The following EPHA6 variants were observed in gnomAD, a reference collection of about 807,000 sequenced individuals.
The protein encoded by EPHA6 is EPH receptor A6.
EPHA6 carries 50 observed loss-of-function variants against 112.0 expected under a neutral mutation model. That is an observed-to-expected ratio of 0.45 (90% CI 0.36 to 0.56). EPHA6 has a LOEUF of 0.56. Ranked by LOEUF, EPHA6 falls within the 20% of genes least tolerant of loss-of-function variation. The probability of loss-of-function intolerance (pLI) is 0.00; values close to 1 mark genes in which losing one functional copy is unlikely to be tolerated. For missense variants in EPHA6, 1,280 were observed against 1,417.4 expected (o/e 0.90, Z 1.56); for synonymous variants, 529 against 490.7 (o/e 1.08, Z -1.03).
intron 3 of EPHA6, among the ~76,000 whole-genome samples, chr3:97,095,219 ATGGTATCTCAT>A (rs1014670492): frequency 1.3e-5 from 2 of 151,968 alleles, no homozygotes; most frequent in Non-Finnish European, 2.9e-5. Flanking sequence ...CTGGTATGAG[ATGGTATCTCAT>A]TGTGGTTTTG....
intron 4 of EPHA6, among the ~76,000 whole-genome samples, chr3:97,229,878 A>G (rs1354985462): frequency 6.6e-6 from 1 of 152,138 alleles, no homozygotes; most frequent in African/African-American, 2.4e-5. Flanking sequence ...ATTACTACTT[A>G]GGTATTTTTT....
chr3:96,935,759 A>G (rs1254402163), intron 2 of EPHA6, among the ~76,000 whole-genome samples: 1 of 147,574 alleles, frequency 6.8e-6, no homozygotes, highest in Non-Finnish European at 1.5e-5. Flanking sequence ...CACATTATAT[A>G]TATGTGTGTG....
At chr3:97,348,292 A>G (rs1368795937) in intron 5 of EPHA6, among the ~76,000 whole-genome samples, 8 of 152,198 alleles carry the variant, frequency 5.3e-5, no homozygotes, top group Middle Eastern at 3.4e-3. Flanking sequence ...AATGATATTC[A>G]TATTCTGACT....
intron 3 of EPHA6, among the ~76,000 whole-genome samples, chr3:97,014,567 G>A (rs1333104748): frequency 2.6e-5 from 4 of 152,082 alleles, no homozygotes; most frequent in African/African-American, 9.7e-5. Context: ...TTCTGTATAT[G>A]TATACGTGGC....
intron 2 of EPHA6, among the ~76,000 whole-genome samples, chr3:96,944,085 TCA>T (rs1234878260): frequency 3.3e-5 from 5 of 152,198 alleles, no homozygotes; most frequent in Admixed American, 2.0e-4. Context: ...ATATGTTGTC[TCA>T]GTTAACTCTC....
At chr3:97,283,606 G>A (rs903762799) in intron 5 of EPHA6, among the ~76,000 whole-genome samples, 1 of 152,086 alleles carries the variant, frequency 6.6e-6, no homozygotes, top group Middle Eastern at 3.4e-3. Flanking sequence ...AGCCTTTCAG[G>A]GGGGTGAGGG....
intron 11 of EPHA6, among the ~76,000 whole-genome samples, chr3:97,574,265 T>C (rs1382831170): frequency 1.3e-5 from 2 of 152,142 alleles, no homozygotes; most frequent in Admixed American, 6.5e-5. Context: ...GAGCAGCTAA[T>C]AGAATGCTAA....
chr3:97,702,382 G>A (rs2033445178), intron 14 of EPHA6, among the ~76,000 whole-genome samples: 1 of 152,160 alleles, frequency 6.6e-6, no homozygotes, highest in Admixed American at 6.5e-5. Flanking sequence ...GTAAAGGATG[G>A]ATGCAATCTT....
chr3:97,723,515 A>G (rs1374628762), intron 15 of EPHA6, among the ~76,000 whole-genome samples: 1 of 152,148 alleles, frequency 6.6e-6, no homozygotes, highest in Non-Finnish European at 1.5e-5. Context: ...CATTAAGCTC[A>G]TTCTCATTCG....
chr3:97,622,563 C>A lies in EPHA6; in HGVS notation c.2574+11709C>A, dbSNP rs552715059. Among the ~76,000 whole-genome samples the A allele has an allele frequency of 2.6e-5, 4 of 151,844 alleles. 1 individual carries two copies. The South Asian group carries it at 8.3e-4, about 31-fold the overall frequency. On this transcript the variant is annotated intron_variant, in intron 13 of 17. Coordinates refer to ENST00000389672, the MANE Select transcript of EPHA6 (RefSeq NM_001080448.3). Reference sequence around the variant, plus strand: ...AAGAATGCTACTGTGAGAATAGATGCACTTTGACACCCTACTTTCCATTCA... The same window carrying A: ...AAGAATGCTACTGTGAGAATAGATGAACTTTGACACCCTACTTTCCATTCA...
intron 5 of EPHA6, among the ~76,000 whole-genome samples, chr3:97,404,892 C>T (rs907173047): frequency 6.6e-6 from 1 of 152,030 alleles, no homozygotes; most frequent in African/African-American, 2.4e-5. Context: ...CCTAATAATA[C>T]CAAAGATGAT....
intron 3 of EPHA6, among the ~76,000 whole-genome samples, chr3:97,223,545 A>G (rs2078264954): frequency 6.6e-6 from 1 of 152,160 alleles, no homozygotes; most frequent in African/African-American, 2.4e-5. Context: ...GGAAATGAAA[A>G]GCAGAGTCAC....
intron 1 of EPHA6, among the ~76,000 whole-genome samples, chr3:96,845,376 G>A (rs2035007949): frequency 6.6e-6 from 1 of 151,924 alleles, no homozygotes; most frequent in African/African-American, 2.4e-5. Flanking sequence ...CAGCAGTGTG[G>A]CTCATATGCT....
intron 6 of EPHA6, among the ~76,000 whole-genome samples, chr3:97,438,559 C>A (rs1050686928): frequency 6.6e-6 from 1 of 151,970 alleles, no homozygotes; most frequent in Non-Finnish European, 1.5e-5. Context: ...TTTTTTAATT[C>A]AATCATTTGG....
intron 11 of EPHA6, among the ~76,000 whole-genome samples, chr3:97,568,998 A>G (rs1209848096): frequency 1.3e-5 from 2 of 152,176 alleles, no homozygotes; most frequent in Non-Finnish European, 1.5e-5. Context: ...AGATATTGAA[A>G]ACAGTCAGAC....
chr3:97,247,022 A>G (rs2079006131), intron 5 of EPHA6, among the ~76,000 whole-genome samples: 1 of 152,044 alleles, frequency 6.6e-6, no homozygotes, highest in Non-Finnish European at 1.5e-5. Flanking sequence ...GTTCAGTTGT[A>G]AATAAATAAT....
intron 3 of EPHA6, among the ~76,000 whole-genome samples, chr3:97,165,602 G>C (rs2076523252): frequency 1.3e-5 from 2 of 152,064 alleles, no homozygotes; most frequent in African/African-American, 2.4e-5. Context: ...GCAGAGACAA[G>C]TCTGGACTAA....
intron 3 of EPHA6, among the ~76,000 whole-genome samples, chr3:97,106,073 G>A (rs2047558315): frequency 6.6e-6 from 1 of 151,960 alleles, no homozygotes; most frequent in South Asian, 2.1e-4. Flanking sequence ...TTTGAACACA[G>A]GATACCATTG....
At chr3:96,872,379 G>A (rs957863220) in intron 2 of EPHA6, among the ~76,000 whole-genome samples, 2 of 152,062 alleles carry the variant, frequency 1.3e-5, no homozygotes, top group Admixed American at 6.6e-5. Flanking sequence ...GAAGCCTCCT[G>A]TGTTTATGGA....
Sources: gnomAD v4.1 joint callset for allele counts (sites outside exome capture counted in the v4.1 genomes callset) on GRCh38, gnomAD v4.1.1 for gene constraint, MANE v1.5 for transcripts, NCBI Gene and HGNC (gene_info 2026-07-23, HGNC 2026-07-21) for gene names.